PDXDC1: variants seen among roughly 807,000 people sequenced by gnomAD.
PDXDC1 encodes the protein pyridoxal-dependent decarboxylase domain-containing protein 1.
PDXDC1 carries 42 observed loss-of-function variants against 100.1 expected under a neutral mutation model. That is an observed-to-expected ratio of 0.42 (90% CI 0.33 to 0.54). PDXDC1 has a LOEUF of 0.54. PDXDC1 is among the 20% of genes least tolerant of loss of function. PDXDC1 has a pLI of 0.10. For synonymous variants in PDXDC1, 260 were observed against 371.7 expected (o/e 0.70, Z 3.46); for missense variants, 636 against 979.2 (o/e 0.65, Z 4.68).
intron 16 of PDXDC1, among the ~76,000 whole-genome samples, chr16:15,095,679 C>T (rs1459942042): frequency 6.6e-6 from 1 of 152,074 alleles, no homozygotes; most frequent in Non-Finnish European, 1.5e-5. Flanking sequence ...TGACAAAACC[C>T]TGTCTCTACT....
At chr16:15,127,959 C>T (rs769066084) in intron 16 of PDXDC1, 1 of 1,543,412 alleles carries the variant, frequency 6.5e-7, no homozygotes, top group Non-Finnish European at 8.9e-7. Flanking sequence ...TGCCCAACCT[C>T]CCACGGAGTG....
At chr16:15,099,720 C>T (rs1485835287) in intron 16 of PDXDC1, among the ~76,000 whole-genome samples, 1 of 152,194 alleles carries the variant, frequency 6.6e-6, no homozygotes, top group African/African-American at 2.4e-5. Flanking sequence ...ACCCTGCCCA[C>T]AGTGTGGCCT....
At chr16:15,088,634 A>T (rs1377984001) in intron 16 of PDXDC1, among the ~76,000 whole-genome samples, 2 of 152,132 alleles carry the variant, frequency 1.3e-5, no homozygotes, top group Non-Finnish European at 2.9e-5. Flanking sequence ...CTTTAAAGAG[A>T]AAGTGATGCT....
chr16:14,997,308 G>A (rs1458940749), intron 1 of PDXDC1, among the ~76,000 whole-genome samples: 2 of 152,284 alleles, frequency 1.3e-5, no homozygotes, highest in Non-Finnish European at 2.9e-5. Context: ...AAGCCAAGGC[G>A]GGCAGATCAC....
chr16:15,150,161 G>C, the PDXDC1 span, among the ~76,000 whole-genome samples: 1 of 151,622 alleles, frequency 6.6e-6, no homozygotes, highest in Non-Finnish European at 1.5e-5. Flanking sequence ...TGGCTAACAC[G>C]GTGAAACCCC....
rs1262013894 is a variant in PDXDC1 at position 15,106,711 on chromosome 16, C to T, written c.1400-32168C>T. On this transcript the variant is annotated intron_variant, in intron 16 of 16. Coordinates refer to the PDXDC1 transcript ENST00000535621. ...CGGAGGTTGCAGTGAGCCAAGATCACGTCATTGCACTCCAGCCTGGGTGAC... is the reference window on the plus strand; with the variant it reads ...CGGAGGTTGCAGTGAGCCAAGATCATGTCATTGCACTCCAGCCTGGGTGAC... Among the ~76,000 whole-genome samples the T allele has an allele frequency of 6.9e-5, 9 of 131,116 alleles. 1 individual carries two copies. The highest frequency in any genetic ancestry group is 1.3e-4 in the African/African-American group (5 of 39,860). 86.0% of individuals were successfully genotyped at this position (131,116 alleles called of 152,430 possible).
chr16:15,034,576 C>A, intron 21 of PDXDC1, 23 bp downstream of exon 21: 1 of 1,560,488 alleles, frequency 6.4e-7, no homozygotes, highest in Non-Finnish European at 8.8e-7. Context: ...AGCCTCTTCC[C>A]AGGTCTTGCT....
chr16:14,975,168 G>A lies in PDXDC1; in HGVS notation c.-32G>A, dbSNP rs1157992072. 1 of 1,460,982 alleles carries A rather than the reference G, an allele frequency of 6.8e-7. No individual in the cohort carries two copies. Among genetic ancestry groups the A allele is most frequent in the Non-Finnish European group, 9.0e-7 (1 of 1,116,950 alleles). The allele number at this position is 1,460,982 out of a possible 1,614,324, so 90.5% of individuals were successfully genotyped here. On this transcript the variant is annotated 5_prime_UTR_variant, in exon 1 of 23. Transcript: ENST00000396410. Reference sequence around the variant, plus strand: ...GCGCGGGAGGAGGAAGTAGAGCCCGGGACCGCCAGGCCACCACCGGCCGCC... The same window carrying A: ...GCGCGGGAGGAGGAAGTAGAGCCCGAGACCGCCAGGCCACCACCGGCCGCC...
intron 16 of PDXDC1, chr16:15,125,990 AAC>A (rs1209720539): frequency 3.3e-6 from 2 of 599,436 alleles, no homozygotes; most frequent in Non-Finnish European, 6.0e-6. Flanking sequence ...TGTGCCACTG[AAC>A]ACTTGACAGC....
chr16:15,127,821 C>G (rs1263083527), intron 16 of PDXDC1: 2 of 1,562,274 alleles, frequency 1.3e-6, no homozygotes, highest in Admixed American at 1.9e-5. Context: ...ATATGGAGAG[C>G]CAGATGTGCT....
chr16:15,002,820 A>T (rs2151375363), intron 4 of PDXDC1, among the ~76,000 whole-genome samples: 1 of 152,338 alleles, frequency 6.6e-6, no homozygotes, highest in East Asian at 1.9e-4. Flanking sequence ...GCGTTATCAG[A>T]CTGAAGGATC....
intron 1 of PDXDC1, among the ~76,000 whole-genome samples, chr16:14,993,778 A>G (rs1400649989): frequency 6.6e-5 from 10 of 152,398 alleles, no homozygotes; most frequent in Non-Finnish European, 1.2e-4. Context: ...AAGTGTTCCT[A>G]TTTCTCCACA....
chr16:15,059,670 G>C (rs2044643233), intron 16 of PDXDC1, among the ~76,000 whole-genome samples: 1 of 152,152 alleles, frequency 6.6e-6, no homozygotes, highest in Non-Finnish European at 1.5e-5. Flanking sequence ...ACAACTGACA[G>C]CTTTTTAGTG....
chr16:15,088,276 G>C (rs1421643095), intron 16 of PDXDC1, among the ~76,000 whole-genome samples: 1 of 152,060 alleles, frequency 6.6e-6, no homozygotes, highest in Non-Finnish European at 1.5e-5. Flanking sequence ...AGGAATTTGA[G>C]ACCAGCCTGG....
intron 16 of PDXDC1, among the ~76,000 whole-genome samples, chr16:15,049,791 G>T (rs1397084652): frequency 6.6e-6 from 1 of 152,148 alleles, no homozygotes; most frequent in Non-Finnish European, 1.5e-5. Flanking sequence ...ATTGGGCACA[G>T]AACCAAGTCA....
intron 16 of PDXDC1, among the ~76,000 whole-genome samples, chr16:15,124,366 C>T (rs1486380541): frequency 5.3e-5 from 8 of 152,180 alleles, no homozygotes; most frequent in Non-Finnish European, 7.3e-5. Context: ...ATCCCTTTAC[C>T]ATTTACTATG....
intron 14 of PDXDC1, among the ~76,000 whole-genome samples, chr16:15,027,349 T>C (rs1473066713): frequency 6.6e-6 from 1 of 152,258 alleles, no homozygotes; most frequent in Non-Finnish European, 1.5e-5. Flanking sequence ...TGGCAGCATC[T>C]GGGGGTGAAT....
intron 1 of PDXDC1, chr16:14,988,889 C>T (rs1457655528): frequency 1.2e-6 from 2 of 1,613,564 alleles, no homozygotes; most frequent in Admixed American, 1.7e-5. Flanking sequence ...GGTCAGAGAG[C>T]TGCAGGATCT....
intron 4 of PDXDC1, among the ~76,000 whole-genome samples, chr16:15,003,071 A>T (rs1388182938): frequency 6.6e-6 from 1 of 152,244 alleles, no homozygotes. Flanking sequence ...GTTATTCTTT[A>T]TAAGGAAAAT....
Sources: gnomAD v4.1 joint callset for allele counts (sites outside exome capture counted in the v4.1 genomes callset) on GRCh38, gnomAD v4.1.1 for gene constraint, MANE v1.5 for transcripts, NCBI Gene and HGNC (gene_info 2026-07-23, HGNC 2026-07-21) for gene names.